GTF2H2: variants seen among roughly 807,000 people sequenced by gnomAD.
GTF2H2 encodes the protein TFIIH basal transcription factor complex p44 subunit.
Under a neutral mutation model 16.5 loss-of-function variants are expected in GTF2H2, and 2 were observed. That is an observed-to-expected ratio of 0.12 (90% CI 0.05 to 0.38). The LOEUF is 0.38. Among genes scored for constraint, GTF2H2 ranks in the 10% least tolerant of loss-of-function variants. The pLI, the probability that GTF2H2 is intolerant of heterozygous loss-of-function variation, is 0.99. For missense variants in GTF2H2, 20 were observed against 137.0 expected (o/e 0.15, Z 4.26); for synonymous variants, 8 against 44.1 (o/e 0.18, Z 3.24).
chr5:71,054,475 G>A (rs1354983381), intron 8 of GTF2H2, among the ~76,000 whole-genome samples: 6 of 144,982 alleles, frequency 4.1e-5, no homozygotes, highest in East Asian at 2.0e-4. Context: ...TGGGCGGATC[G>A]CTTGAGGCCA....
At chr5:71,039,514 A>C (rs1263087596) in intron 14 of GTF2H2, among the ~76,000 whole-genome samples, 1 of 135,380 alleles carries the variant, frequency 7.4e-6, no homozygotes, top group East Asian at 2.3e-4. Context: ...TCAATATAAA[A>C]TTTCTTTGAA....
At chr5:71,052,915 ATTT>A (rs1241503525) in intron 8 of GTF2H2, among the ~76,000 whole-genome samples, 22,554 of 44,144 alleles carry the variant, frequency 0.51, 5,779 homozygotes, top group East Asian at 0.69. Context: ...TGCCTGGCTA[ATTT>A]TTTTTTTTTT....
At chr5:71,036,376 A>G (rs1751750293) in intron 15 of GTF2H2, among the ~76,000 whole-genome samples, 1 of 89,366 alleles carries the variant, frequency 1.1e-5, no homozygotes, top group Non-Finnish European at 2.4e-5. Context: ...AAAATCACTA[A>G]ATCTCAGAAG....
At chr5:71,054,295 T>G (rs1165500605) in intron 8 of GTF2H2, among the ~76,000 whole-genome samples, 2 of 146,302 alleles carry the variant, frequency 1.4e-5, no homozygotes, top group Non-Finnish European at 3.0e-5. Context: ...TTCATTGTTA[T>G]CTTCTCAGCT....
intron 7 of GTF2H2, chr5:71,058,449 A>C (rs1306610523): frequency 2.9e-5 from 4 of 139,622 alleles, no homozygotes; most frequent in Admixed American, 2.2e-4. Context: ...GCAGATCGTA[A>C]CTCAGGCCAA....
chr5:71,054,901 C>T (rs1464655390), intron 8 of GTF2H2: 2 of 136,004 alleles, frequency 1.5e-5, no homozygotes, highest in Admixed American at 7.5e-5. Flanking sequence ...CAAGTATTTC[C>T]TTTGGGGTCT....
At chr5:71,051,114 T>C (rs1213807126) in intron 8 of GTF2H2, among the ~76,000 whole-genome samples, 3 of 142,274 alleles carry the variant, frequency 2.1e-5, no homozygotes, top group East Asian at 2.0e-4. Context: ...CCCAATGTGC[T>C]GGGATTACAG....
At chr5:71,056,565 T>TTA (rs992315025) in intron 7 of GTF2H2, among the ~76,000 whole-genome samples, 3 of 55,628 alleles carry the variant, frequency 5.4e-5, no homozygotes, top group African/African-American at 7.8e-5. Context: ...TATATTTAGA[T>TTA]TATATATATA....
chr5:71,055,072 CATTTTAATAAAAT>C (rs1753104329), intron 8 of GTF2H2: 1 of 232,912 alleles, frequency 4.3e-6, no homozygotes, highest in South Asian at 1.0e-4. Context: ...TATTAAATCT[CATTTTAATAAAAT>C]ATTTTTTCAT....
intron 7 of GTF2H2, chr5:71,058,200 C>G (rs938812320): frequency 1.6e-5 from 1 of 63,618 alleles, no homozygotes; most frequent in African/African-American, 4.7e-5. Context: ...GACTCCTTCT[C>G]AAAAAAAAAA....
At chr5:71,061,287 T>C in exon 4 of GTF2H2, 1 of 1,494,026 alleles carries the variant, frequency 6.7e-7, no homozygotes, top group Non-Finnish European at 9.2e-7. Context: ...CAAGTCGAAC[T>C]TGTCCATGGT....
rs1328187539 is a variant in GTF2H2, at chr5:71,061,260, AT to A, written c.171+11del. ...TAGTTCTGTACTAGTAAAAGAAAAA[AT>A]AATGACATACCATTCCAAGTCGAAC... On this transcript the variant is annotated intron_variant, in intron 4 of 15. Coordinates refer to ENST00000274400, the Ensembl canonical transcript of GTF2H2. 1 of 1,266,692 alleles carries A rather than the reference AT, an allele frequency of 7.9e-7. No homozygotes were observed. Among genetic ancestry groups the A allele is most frequent in the African/African-American group, 1.5e-5 (1 of 65,484 alleles). The allele number at this position is 1,266,692 out of a possible 1,614,324, so 78.5% of individuals were successfully genotyped here. A position where few individuals can be genotyped will look rare whatever the true frequency, so the allele number is the denominator to read the frequency against.
At chr5:71,059,415 GA>G (rs1397393948) in intron 7 of GTF2H2, 1 of 53,104 alleles carries the variant, frequency 1.9e-5, no homozygotes, top group Non-Finnish European at 3.6e-5. Context: ...AAAAAGGAAA[GA>G]AAAAAAATTT....
intron 8 of GTF2H2, among the ~76,000 whole-genome samples, chr5:71,051,038 G>A (rs1752668095): frequency 7.0e-6 from 1 of 142,778 alleles, no homozygotes. Context: ...GTGAGGACGG[G>A]GTTTCACCAT....
chr5:71,048,131 G>GAAA lies in GTF2H2; in HGVS notation c.650-21_650-19dup. 1.9e-6 allele frequency: 1 copy of GAAA among 532,162 alleles called. No individual in the cohort carries two copies. Among genetic ancestry groups the GAAA allele is most frequent in the Non-Finnish European group, 2.7e-6 (1 of 377,020 alleles). 33.0% of individuals were successfully genotyped at this position (532,162 alleles called of 1,614,324 possible). On this transcript the variant is annotated intron_variant, in intron 10 of 15. Transcript: ENST00000274400. ...GTACGTGCCTAACAAGATGAAAAGG[G>GAAA]AAAAAAAAACACCTTCATAGACATA...
chr5:71,045,343 TAGAG>T, intron 12 of GTF2H2, 97 bp downstream of exon 12: 1 of 555,812 alleles, frequency 1.8e-6, no homozygotes, highest in African/African-American at 2.8e-5. Flanking sequence ...TACAAGTATA[TAGAG>T]ATAGTCTTCA....
chr5:71,055,567 T>C, intron 7 of GTF2H2, 110 bp from the exon 8 acceptor site: 1 of 912,388 alleles, frequency 1.1e-6, no homozygotes, highest in Non-Finnish European at 1.5e-6. Context: ...TTTCAATGTA[T>C]ATTTCTGTTG....
At chr5:71,043,985 A>T (rs1752153263) in intron 12 of GTF2H2, among the ~76,000 whole-genome samples, 1 of 83,228 alleles carries the variant, frequency 1.2e-5, no homozygotes, top group African/African-American at 5.4e-5. Context: ...GTTTGTTCTG[A>T]AATATACTTC....
In GTF2H2 at chr5:71,046,023, G is replaced by A. The variant is rs1048477885; in HGVS notation, c.758-516C>T. Among the ~76,000 whole-genome samples the A allele has an allele frequency of 7.6e-5, 11 of 144,056 alleles. 1 individual carries two copies. Among genetic ancestry groups the A allele is most frequent in the East Asian group, 2.0e-4 (1 of 5,000 alleles). The allele number at this position is 144,056 out of a possible 152,430, so 94.5% of individuals were successfully genotyped here. A position where few individuals can be genotyped will look rare whatever the true frequency, so the allele number is the denominator to read the frequency against. ...TATCATAGTACACCATTTTATCTAC[G>A]TTTATGCTTTTATGTTTAAAATTTT... On this transcript the variant is annotated intron_variant, in intron 11 of 15. Transcript: ENST00000274400.
Sources: allele counts gnomAD v4.1 joint callset (sites outside exome capture counted in the v4.1 genomes callset), GRCh38; gene constraint gnomAD v4.1.1; transcripts MANE v1.5; gene names NCBI Gene and HGNC (gene_info 2026-07-23, HGNC 2026-07-21).